Variants in ZNF215 observed in about 807,000 individuals in gnomAD.
ZNF215 encodes the protein zinc finger protein 215, also known as BWSCR2-associated zinc finger protein 2.
In ZNF215, 24 loss-of-function variants were observed where a neutral mutation model predicts 27.2. The ratio of observed to expected loss-of-function variants is 0.88; its 90% confidence interval spans 0.64 to 1.24. The LOEUF is 1.24. ZNF215 is among the 50% of genes most tolerant of loss of function. The probability of loss-of-function intolerance (pLI) is 0.00; values close to 1 mark genes in which losing one functional copy is unlikely to be tolerated. For missense variants in ZNF215, 675 were observed against 605.7 expected (o/e 1.11, Z -1.20); for synonymous variants, 210 against 204.0 (o/e 1.03, Z -0.25).
intron 6 of ZNF215, among the ~76,000 whole-genome samples, chr11:6,994,088 A>G (rs573299554): frequency 4.8e-4 from 73 of 152,246 alleles, no homozygotes; most frequent in Admixed American, 2.0e-3. Context: ...GTACCTTAGG[A>G]AAAAATACAT....
At position 6,957,358 on chromosome 11, in the gene ZNF215, A is replaced by AT. The variant is rs1415910401; in HGVS notation, c.*829dup. The AT allele has an allele frequency of 4.7e-6, 1 of 214,130 alleles. No homozygotes were observed. Among genetic ancestry groups the AT allele is most frequent in the Non-Finnish European group, 8.0e-6 (1 of 124,828 alleles). 13.3% of individuals were successfully genotyped at this position (214,130 alleles called of 1,614,324 possible). On this transcript the variant is annotated 3_prime_UTR_variant, in exon 7 of 7. Coordinates refer to ENST00000278319, the MANE Select transcript of ZNF215 (RefSeq NM_013250.4). ...ACATTAGGTTAATTGACATATCTAAATTATCTCAGTCTGAGTTTGTGAGGA... is the reference window on the plus strand; with the variant it reads ...ACATTAGGTTAATTGACATATCTAAATTTATCTCAGTCTGAGTTTGTGAGGA...
chr11:6,966,519 C>T (rs1850621275), intron 5 of ZNF215, among the ~76,000 whole-genome samples: 1 of 151,928 alleles, frequency 6.6e-6, no homozygotes, highest in Admixed American at 6.6e-5. Flanking sequence ...ATGTTTATAT[C>T]ATCTAAGTTG....
chr11:6,959,238 A>AG (rs1226715904), downstream of ZNF215, among the ~76,000 whole-genome samples: 1 of 152,204 alleles, frequency 6.6e-6, no homozygotes, highest in Non-Finnish European at 1.5e-5. Context: ...AAAGCTATAA[A>AG]GGGATGAGGG....
chr11:6,967,904 G>A (rs1343202388), intron 5 of ZNF215, among the ~76,000 whole-genome samples: 1 of 152,122 alleles, frequency 6.6e-6, no homozygotes, highest in Non-Finnish European at 1.5e-5. Context: ...TTTCTTGTAG[G>A]TTGTGATGGT....
chr11:6,927,073 G>C (rs1464095103), intron 1 of ZNF215, among the ~76,000 whole-genome samples: 1 of 152,166 alleles, frequency 6.6e-6, no homozygotes, highest in Non-Finnish European at 1.5e-5. Context: ...CTCCAGACGC[G>C]CAGAGTGGTT....
intron 6 of ZNF215, among the ~76,000 whole-genome samples, chr11:6,952,873 C>T (rs961122875): frequency 4.4e-4 from 67 of 151,444 alleles, no homozygotes; most frequent in Admixed American, 1.2e-3. Context: ...TGGCTGGTAC[C>T]GGTTGTTCCT....
At chr11:6,955,531 CATTT>C (rs1850298513) in intron 6 of ZNF215, among the ~76,000 whole-genome samples, 155 bp from the exon 7 acceptor site, 1 of 152,022 alleles carries the variant, frequency 6.6e-6, no homozygotes, top group African/African-American at 2.4e-5. Flanking sequence ...ATTTTTGTAC[CATTT>C]ATTTCTTTTA....
chr11:6,977,536 T>C (rs577858424), intron 5 of ZNF215, among the ~76,000 whole-genome samples: 17 of 151,956 alleles, frequency 1.1e-4, no homozygotes, highest in African/African-American at 3.9e-4. Flanking sequence ...TAAGTTAAAA[T>C]GAGACTATTA....
At chr11:6,980,335 G>T (rs1489714626) in intron 5 of ZNF215, among the ~76,000 whole-genome samples, 1 of 151,974 alleles carries the variant, frequency 6.6e-6, no homozygotes, top group East Asian at 1.9e-4. Context: ...CTATAGCAAT[G>T]TTCTGTAATC....
At chr11:6,949,760 G>A (rs1220613175) in intron 6 of ZNF215, among the ~76,000 whole-genome samples, 1 of 152,136 alleles carries the variant, frequency 6.6e-6, no homozygotes, top group Admixed American at 6.5e-5. Context: ...GTCAATTTTG[G>A]CTTTTGTTTC....
rs139266365 is a variant in ZNF215, at chr11:6,943,190, T to C, written c.591T>C (p.Phe197=). Residue 197 remains phenylalanine (F), a synonymous_variant, in exon 5 of 7, where the codon TTT becomes TTC. Transcript: ENST00000278319. The stretch of plus-strand genomic sequence containing the variant: ...ACAGGAATGTGATGCTGGAAAACTT[T>C]AGGAACCTGAATTCATTGCGTAAAG... ...NLYRNVMLEN[F]RNLNSLRKAH... is the part of the protein sequence containing the mutation. The C allele has an allele frequency of 4.5e-5, 73 of 1,613,532 alleles. 1 individual carries two copies. In the African/African-American group the frequency reaches 6.8e-4, roughly 15 times the overall value.
At position 6,955,865 on chromosome 11, in the gene ZNF215, T is replaced by G. The variant is rs1850316404; in HGVS notation, c.888T>G (p.Thr296=). 6.2e-7 allele frequency: 1 copy of G among 1,610,404 alleles called. No homozygotes were observed. Among genetic ancestry groups the G allele is most frequent in the South Asian group, 1.1e-5 (1 of 89,890 alleles). The stretch of plus-strand genomic sequence containing the variant: ...CTTTCATTCCTGAGACAATTTACAC[T>G]GAGGAGGAAGATTTTGAATGTAGTG... ...QEAFIPETIY[T]EEEDFECSEN... Residue 296 remains threonine, a synonymous_variant, in exon 7 of 7, where the codon ACT becomes ACG. Coordinates refer to ENST00000278319, the MANE Select transcript of ZNF215 (RefSeq NM_013250.4).
chr11:6,935,362 T>A (rs1342347162), intron 3 of ZNF215, among the ~76,000 whole-genome samples: 1 of 152,222 alleles, frequency 6.6e-6, no homozygotes, highest in East Asian at 1.9e-4. Flanking sequence ...ACACAATGCA[T>A]CTGCAGAGAC....
chr11:6,990,084 C>G (rs943912706), downstream of ZNF215, among the ~76,000 whole-genome samples: 6 of 152,184 alleles, frequency 3.9e-5, no homozygotes, highest in East Asian at 1.2e-3. Flanking sequence ...AAACCCAACC[C>G]TGCCCCTAGC....
At chr11:6,947,504 G>A (rs1373380427) in intron 6 of ZNF215, among the ~76,000 whole-genome samples, 1 of 152,012 alleles carries the variant, frequency 6.6e-6, no homozygotes, top group African/African-American at 2.4e-5. Context: ...TTGTATCACT[G>A]CATCCCATCC....
intron 5 of ZNF215, among the ~76,000 whole-genome samples, chr11:6,974,790 G>A (rs1850795828): frequency 6.6e-6 from 1 of 152,012 alleles, no homozygotes; most frequent in Non-Finnish European, 1.5e-5. Flanking sequence ...AGGAGATTTT[G>A]GGCTGAGACG....
chr11:6,956,246 T>G lies in ZNF215; in HGVS notation c.1269T>G (p.Thr423=). The part of the protein sequence containing the change: ...GRFFNRRTNL[T]KHQKLHAEAK... The stretch of plus-strand genomic sequence containing the variant: ...TCTTCAACCGACGTACAAACCTTAC[T>G]AAGCATCAAAAACTTCATGCTGAAG... Residue 423 remains threonine (T), a synonymous_variant, in exon 7 of 7, where the codon ACT becomes ACG. Transcript: ENST00000278319. The G allele has an allele frequency of 6.2e-7, 1 of 1,613,852 alleles. No homozygotes were observed. Among genetic ancestry groups the G allele is most frequent in the South Asian group, 1.1e-5 (1 of 91,044 alleles).
At chr11:6,948,680 T>A (rs917602840) in intron 6 of ZNF215, among the ~76,000 whole-genome samples, 1 of 152,184 alleles carries the variant, frequency 6.6e-6, no homozygotes, top group Non-Finnish European at 1.5e-5. Flanking sequence ...CACCAATAAA[T>A]GTTGGAGAAT....
downstream of ZNF215, among the ~76,000 whole-genome samples, chr11:6,989,988 A>G (rs1165416456): frequency 6.6e-6 from 1 of 152,108 alleles, no homozygotes; most frequent in Non-Finnish European, 1.5e-5. Flanking sequence ...CATCACCTAC[A>G]TGGCAGGATG....
Sources: allele counts gnomAD v4.1 joint callset (sites outside exome capture counted in the v4.1 genomes callset), GRCh38; gene constraint gnomAD v4.1.1; transcripts MANE v1.5; gene names NCBI Gene and HGNC (gene_info 2026-07-23, HGNC 2026-07-21).